Variants in LIFR observed in about 807,000 individuals in gnomAD.
The protein encoded by LIFR is leukemia inhibitory factor receptor.
Under a neutral mutation model 122.2 loss-of-function variants are expected in LIFR, and 84 were observed. The observed-to-expected ratio is 0.69, with a 90% CI of 0.58 to 0.82. LIFR has a LOEUF of 0.82. Ranked by LOEUF, LIFR falls within the 40% of genes least tolerant of loss-of-function variation. The pLI is 0.00. For synonymous variants in LIFR, 422 were observed against 434.7 expected (o/e 0.97, Z 0.36); for missense variants, 1,294 against 1,311.6 (o/e 0.99, Z 0.21).
intron 1 of LIFR, among the ~76,000 whole-genome samples, chr5:38,543,335 G>A (rs568449372): frequency 6.6e-6 from 1 of 152,274 alleles, no homozygotes; most frequent in South Asian, 2.1e-4. Context: ...GCATGCATGA[G>A]GAAATAGATT....
chr5:38,490,280 G>C lies in LIFR; in HGVS notation c.2077C>G (p.Pro693Ala). The C allele has an allele frequency of 6.7e-7, 1 of 1,503,202 alleles. No individual in the cohort carries two copies. The highest frequency in any genetic ancestry group is 9.2e-7 in the Non-Finnish European group (1 of 1,082,588). 93.1% of individuals were successfully genotyped at this position (1,503,202 alleles called of 1,614,324 possible). A position where few individuals can be genotyped will look rare whatever the true frequency, so the allele number is the denominator to read the frequency against. ...ETVIESDEFR[P>A]GIRYNFFLYG... Reference sequence around the variant, plus strand: ...AGGAAAAAATTATATCTTATACCTGGTCGAAACTCATCTATAGGATGAACA... The same window carrying C: ...AGGAAAAAATTATATCTTATACCTGCTCGAAACTCATCTATAGGATGAACA... Residue 693 changes from proline (P) to alanine (A), a missense_variant, in exon 15 of 20, where the codon CCA becomes GCA. Physicochemically the swap from Pro to Ala is conservative, Grantham distance 27. Transcript: ENST00000453190.
intron 5 of LIFR, among the ~76,000 whole-genome samples, chr5:38,512,437 G>C (rs572647143): frequency 6.6e-6 from 1 of 151,406 alleles, no homozygotes. Flanking sequence ...TGGACAATAC[G>C]GCGAAACCCC....
At chr5:38,569,848 C>T (rs1749152984) in intron 1 of LIFR, among the ~76,000 whole-genome samples, 1 of 152,178 alleles carries the variant, frequency 6.6e-6, no homozygotes, top group South Asian at 2.1e-4. Context: ...TTCTAATATT[C>T]ATTTCATTCT....
chr5:38,593,991 C>T (rs560301987), intron 1 of LIFR, among the ~76,000 whole-genome samples: 12 of 152,138 alleles, frequency 7.9e-5, no homozygotes, highest in African/African-American at 1.4e-4. Flanking sequence ...AAAATAGAAA[C>T]GTTTACCAGG....
chr5:38,506,760 T>C lies in LIFR; in HGVS notation c.992-128A>G, dbSNP rs114050842. 394 of 775,692 alleles carry C rather than the reference T, an allele frequency of 5.1e-4. 2 individuals carry two copies. In the African/African-American group the frequency reaches 6.0e-3, roughly 12 times the overall value. 48.1% of individuals were successfully genotyped at this position (775,692 alleles called of 1,614,324 possible). ...ATAATTTACTATTTACATTTTACTT[T>C]TGAATAATGCAGGAATTATTCTCTC... On this transcript the variant is annotated intron_variant, in intron 7 of 19. Coordinates refer to ENST00000453190, the MANE Select transcript of LIFR (RefSeq NM_001127671.2).
In LIFR at chr5:38,495,108, T is replaced by A. The variant is rs549252140; in HGVS notation, c.1885+1274A>T. Among the ~76,000 whole-genome samples, 368 of 152,304 alleles carry A rather than the reference T, an allele frequency of 2.4e-3. 3 individuals carry two copies. Among genetic ancestry groups the A allele is most frequent in the Non-Finnish European group, 3.3e-3 (224 of 68,018 alleles). ...CTGAGTTGAGGCTGCAGAGCCTCCC[T>A]CCACTCGGGAAATCCTCAAGGAATG... On this transcript the variant is annotated intron_variant, in intron 13 of 19. Transcript: ENST00000453190.
At chr5:38,563,151 C>T (rs1255077053) in intron 1 of LIFR, among the ~76,000 whole-genome samples, 3 of 152,222 alleles carry the variant, frequency 2.0e-5, no homozygotes, top group Admixed American at 6.5e-5. Context: ...TTCTGTGACA[C>T]GCCCAAGAAA....
intron 15 of LIFR, among the ~76,000 whole-genome samples, chr5:38,489,865 TG>T (rs1421020295): frequency 6.7e-6 from 1 of 149,436 alleles, no homozygotes; most frequent in African/African-American, 2.5e-5. Context: ...CATGGTGGCA[TG>T]CACCTGTAGT....
rs1412750253 is a variant in LIFR, at chr5:38,556,558, G to A, written c.-244C>T. 3 of 149,688 alleles carry A rather than the reference G, an allele frequency of 2.0e-5. No homozygotes were observed. The highest frequency in any genetic ancestry group is 6.6e-5 in the Admixed American group (1 of 15,064). 9.3% of individuals were successfully genotyped at this position (149,688 alleles called of 1,614,324 possible). On this transcript the variant is annotated 5_prime_UTR_variant, in exon 1 of 20. Coordinates refer to ENST00000453190, the MANE Select transcript of LIFR (RefSeq NM_001127671.2). ...GGCGAAGGGCGGCCCGCTGCGCTCC[G>A]CGAACCCCGCGGGCCGCCGCCGCCG...
chr5:38,527,662 G>A (rs770511770), intron 3 of LIFR, among the ~76,000 whole-genome samples: 1 of 152,130 alleles, frequency 6.6e-6, no homozygotes, highest in African/African-American at 2.4e-5. Context: ...CTAGGATGAT[G>A]TTCAACGGAT....
At chr5:38,606,039 ATAGT>A (rs1235033748) in intron 2 of LIFR, among the ~76,000 whole-genome samples, 1 of 152,198 alleles carries the variant, frequency 6.6e-6, no homozygotes, top group Non-Finnish European at 1.5e-5. Context: ...CCTGTCTCAG[ATAGT>A]TGGGGTTCAC....
At chr5:38,505,731 T>C (rs1745437711) in intron 9 of LIFR, among the ~76,000 whole-genome samples, 174 bp downstream of exon 9, 1 of 152,120 alleles carries the variant, frequency 6.6e-6, no homozygotes, top group African/African-American at 2.4e-5. Flanking sequence ...TTCAATAAAA[T>C]AGTAAAACTT....
rs754251807 is a variant in LIFR at position 38,502,817 on chromosome 5, A to AAT, written c.1438-20_1438-19dup. 7.0e-5 allele frequency: 94 copies of AAT among 1,339,962 alleles called. 1 individual carries two copies. Among genetic ancestry groups the AAT allele is most frequent in the Admixed American group, 7.8e-5 (4 of 50,958 alleles). The allele number at this position is 1,339,962 out of a possible 1,614,324, so 83.0% of individuals were successfully genotyped here. On this transcript the variant is annotated intron_variant, in intron 10 of 19. Transcript: ENST00000453190. ...ACATTCCGCTATTGGAAAACAAATAAATATATATATATGTATATATTATGT... is the reference window on the plus strand; with the variant it reads ...ACATTCCGCTATTGGAAAACAAATAAATATATATATATATGTATATATTATGT...
At chr5:38,564,701 T>C (rs752259409) in intron 1 of LIFR, among the ~76,000 whole-genome samples, 1 of 150,380 alleles carries the variant, frequency 6.6e-6, no homozygotes, top group Non-Finnish European at 1.5e-5. Context: ...TGCATATGTA[T>C]ATATATACAC....
At chr5:38,550,671 T>C (rs1051591355) in intron 1 of LIFR, among the ~76,000 whole-genome samples, 1 of 152,236 alleles carries the variant, frequency 6.6e-6, no homozygotes, top group Admixed American at 6.5e-5. Context: ...ACGTCTACTA[T>C]AGACTAGGCA....
chr5:38,531,934 G>A (rs1486332545), intron 1 of LIFR, among the ~76,000 whole-genome samples: 1 of 152,176 alleles, frequency 6.6e-6, no homozygotes, highest in Non-Finnish European at 1.5e-5. Context: ...ATTATTTTCT[G>A]GATGAATGAA....
rs1225509733 is a variant in LIFR at position 38,475,637 on chromosome 5, C to T, written c.*5958G>A. 5.4e-6 allele frequency: 1 copy of T among 185,446 alleles called. No individual in the cohort carries two copies. The highest frequency in any genetic ancestry group is 2.3e-5 in the African/African-American group (1 of 42,642). The allele number at this position is 185,446 out of a possible 1,614,324, so 11.5% of individuals were successfully genotyped here. A position where few individuals can be genotyped will look rare whatever the true frequency, so the allele number is the denominator to read the frequency against. ...TTAAAAAAACATTCATTCTACAAAC[C>T]TTATAAAAGACAGAAACTTATATCT... On this transcript the variant is annotated 3_prime_UTR_variant, in exon 20 of 20. Coordinates refer to ENST00000453190, the MANE Select transcript of LIFR (RefSeq NM_001127671.2).
At chr5:38,485,534 T>G (rs1744240010) in intron 17 of LIFR, 1 of 446,740 alleles carries the variant, frequency 2.2e-6, no homozygotes, top group Non-Finnish European at 4.0e-6. Flanking sequence ...TTTTAAATGT[T>G]GACCGTTAGA....
rs1743791576 is a variant in LIFR, at chr5:38,477,731, G to C, written c.*3864C>G. On this transcript the variant is annotated 3_prime_UTR_variant, in exon 20 of 20. Coordinates refer to ENST00000453190, the MANE Select transcript of LIFR (RefSeq NM_001127671.2). ...GATTTTGGTGTGTATCACCCTTCAG[G>C]AAAATTCTGTTGAATCTGTGACACT... 1 of 218,436 alleles carries C rather than the reference G, an allele frequency of 4.6e-6. No homozygotes were observed. Among genetic ancestry groups the C allele is most frequent in the South Asian group, 1.9e-4 (1 of 5,396 alleles). 13.5% of individuals were successfully genotyped at this position (218,436 alleles called of 1,614,324 possible). A position where few individuals can be genotyped will look rare whatever the true frequency, so the allele number is the denominator to read the frequency against.
Sources: allele counts gnomAD v4.1 joint callset (sites outside exome capture counted in the v4.1 genomes callset), GRCh38; gene constraint gnomAD v4.1.1; transcripts MANE v1.5; gene names NCBI Gene and HGNC (gene_info 2026-07-23, HGNC 2026-07-21).